The following CNST variants were observed in gnomAD, a reference collection of about 807,000 sequenced individuals.
CNST encodes the protein consortin.
CNST carries 39 observed loss-of-function variants against 72.4 expected under a neutral mutation model. The observed-to-expected ratio is 0.54, with a 90% CI of 0.42 to 0.70. The LOEUF is 0.70. CNST is among the 30% of genes least tolerant of loss of function. CNST has a pLI of 0.00. For missense variants in CNST, 871 were observed against 868.5 expected (o/e 1.00, Z -0.04); for synonymous variants, 332 against 320.1 (o/e 1.04, Z -0.40).
intron 1 of CNST, among the ~76,000 whole-genome samples, chr1:246,571,389 A>G (rs941876403): frequency 7.9e-5 from 12 of 152,212 alleles, no homozygotes; most frequent in African/African-American, 1.2e-4. Flanking sequence ...ACCTCAAGTG[A>G]TCCGCCCACC....
At chr1:246,608,982 C>T (rs1663118056) in intron 2 of CNST, among the ~76,000 whole-genome samples, 1 of 152,120 alleles carries the variant, frequency 6.6e-6, no homozygotes, top group Admixed American at 6.5e-5. Flanking sequence ...AGGTTGCTTA[C>T]TTTAGGTTAA....
intron 2 of CNST, among the ~76,000 whole-genome samples, chr1:246,610,494 C>T (rs1663240626): frequency 6.6e-6 from 1 of 152,102 alleles, no homozygotes; most frequent in Non-Finnish European, 1.5e-5. Flanking sequence ...TTTCTTTCAC[C>T]AGAATGGGCC....
chr1:246,591,765 G>C lies in CNST; in HGVS notation c.203G>C (p.Ser68Thr), dbSNP rs1311713204. ...MGKPQVSEQD[S>T]LNNNESCTLS... ...AAGCCCCAAGTGTCTGAGCAGGACA[G>C]TCTCAATAATAATGAAAGCTGCACA... The change falls in exon 2 of 11, where the codon AGT (serine) becomes ACT (threonine). Residue 68 changes from serine to threonine, a missense_variant. Transcript: ENST00000366513. 5 of 1,614,142 alleles carry C rather than the reference G, an allele frequency of 3.1e-6. No homozygotes were observed. The highest frequency in any genetic ancestry group is 4.2e-6 in the Non-Finnish European group (5 of 1,180,026).
At chr1:246,621,688 T>C in intron 3 of CNST, 54 bp downstream of exon 3, 1 of 1,449,980 alleles carries the variant, frequency 6.9e-7, no homozygotes. Context: ...CTAGCAGTGT[T>C]TGGAATGATC....
At chr1:246,571,466 A>C (rs1381468505) in intron 1 of CNST, among the ~76,000 whole-genome samples, 1 of 152,110 alleles carries the variant, frequency 6.6e-6, no homozygotes, top group Non-Finnish European at 1.5e-5. Flanking sequence ...TTTTTATCTT[A>C]GTTTTGAGAT....
At chr1:246,664,465 G>A (rs933745466) in intron 10 of CNST, among the ~76,000 whole-genome samples, 6 of 150,644 alleles carry the variant, frequency 4.0e-5, no homozygotes, top group Admixed American at 4.0e-4. Flanking sequence ...CTCGCCCTGT[G>A]GCCCAGGCTG....
intron 9 of CNST, among the ~76,000 whole-genome samples, chr1:246,651,287 G>A (rs558531504): frequency 5.9e-5 from 9 of 152,044 alleles, no homozygotes; most frequent in Non-Finnish European, 1.3e-4. Context: ...CTGTGCTATC[G>A]CAGGTGGTCC....
At chr1:246,585,708 CACACTATA>C in intron 1 of CNST, among the ~76,000 whole-genome samples, 1 of 100,846 alleles carries the variant, frequency 9.9e-6, no homozygotes, top group Non-Finnish European at 2.1e-5. Flanking sequence ...CACACACACA[CACACTATA>C]TATGTATACA....
chr1:246,666,079 A>G lies in CNST; in HGVS notation c.*174A>G, dbSNP rs1251723436. The G allele has an allele frequency of 5.1e-6, 3 of 584,368 alleles. No individual in the cohort carries two copies. Among genetic ancestry groups the G allele is most frequent in the Non-Finnish European group, 9.1e-6 (3 of 328,122 alleles). The allele number at this position is 584,368 out of a possible 1,614,324, so 36.2% of individuals were successfully genotyped here. On this transcript the variant is annotated 3_prime_UTR_variant, in exon 11 of 11. Coordinates refer to ENST00000366513, the MANE Select transcript of CNST (RefSeq NM_152609.3). ...GAGGAACTCTGTTAGAATAATCCAC[A>G]CAGTGAGGCAAATATCAATCTAAGC...
chr1:246,621,495 T>C lies in CNST; in HGVS notation c.446T>C (p.Val149Ala), dbSNP rs1664088521. The C allele has an allele frequency of 6.2e-7, 1 of 1,614,208 alleles. No homozygotes were observed. The highest frequency in any genetic ancestry group is 8.5e-7 in the Non-Finnish European group (1 of 1,180,028). The part of the protein sequence containing the change: ...EKVLSAVTYA[V>A]DDEEAAEVNA... ...GTACTAAGCGCAGTCACATATGCTG[T>C]TGATGATGAAGAAGCTGCTGAAGTA... The change falls in exon 3 of 11, where the codon GTT (valine) becomes GCT (alanine). Residue 149 changes from valine to alanine, a missense_variant. Val to Ala is a moderately conservative substitution (Grantham distance 64). Transcript: ENST00000366513.
chr1:246,636,409 G>A (rs528518735), intron 6 of CNST, among the ~76,000 whole-genome samples: 2,202 of 152,140 alleles, frequency 0.014, 28 homozygotes, highest in Non-Finnish European at 0.02. Context: ...CCCATGCCAC[G>A]GCCACTGTTC....
rs147921088 is a variant in CNST at position 246,604,743 on chromosome 1, A to C, written c.379+12802A>C. On this transcript the variant is annotated intron_variant, in intron 2 of 10. Coordinates refer to ENST00000366513, the MANE Select transcript of CNST (RefSeq NM_152609.3). ...GAGTGCAATGGCGTGATCTCCGCCC[A>C]CTGCAACCTCTGCCTTCTGGGTTCA... 9.7e-3 allele frequency among the ~76,000 whole-genome samples: 1,473 copies of C among 151,604 alleles called. 19 individuals carry two copies. Among genetic ancestry groups the C allele is most frequent in the African/African-American group, 0.034 (1,381 of 40,904 alleles).
intron 9 of CNST, among the ~76,000 whole-genome samples, chr1:246,659,333 A>G (rs150057547): frequency 0.052 from 7,932 of 152,210 alleles, 660 homozygotes; most frequent in African/African-American, 0.17. Context: ...GGTGGCTCAC[A>G]CCTGTAATCC....
intron 3 of CNST, among the ~76,000 whole-genome samples, chr1:246,625,951 A>G (rs567249042): frequency 2.1e-4 from 32 of 151,808 alleles, no homozygotes; most frequent in African/African-American, 7.7e-4. Flanking sequence ...TTGATCACAT[A>G]CTCTGTTTTG....
At chr1:246,654,171 A>T (rs549347431) in intron 9 of CNST, among the ~76,000 whole-genome samples, 34 of 152,254 alleles carry the variant, frequency 2.2e-4, no homozygotes, top group African/African-American at 7.9e-4. Context: ...CCCCAACGTC[A>T]TCTTCTGTCC....
intron 2 of CNST, among the ~76,000 whole-genome samples, chr1:246,614,432 A>G (rs1572179804): frequency 6.6e-6 from 1 of 152,036 alleles, no homozygotes; most frequent in Non-Finnish European, 1.5e-5. Context: ...ATCATCGTAT[A>G]TATAATAATT....
At chr1:246,615,761 C>T (rs1365105032) in intron 2 of CNST, among the ~76,000 whole-genome samples, 2 of 151,260 alleles carry the variant, frequency 1.3e-5, no homozygotes, top group Non-Finnish European at 2.9e-5. Flanking sequence ...ACCTGTAATC[C>T]CAGCTACTCG....
chr1:246,625,477 A>G (rs938904178), intron 3 of CNST, among the ~76,000 whole-genome samples: 2 of 120,922 alleles, frequency 1.7e-5, no homozygotes, highest in African/African-American at 6.6e-5. Flanking sequence ...GCTGGAGTGC[A>G]GTGGCGTGAT....
At chr1:246,640,058 A>T (rs1665584670) in intron 6 of CNST, among the ~76,000 whole-genome samples, 1 of 152,174 alleles carries the variant, frequency 6.6e-6, no homozygotes, top group African/African-American at 2.4e-5. Flanking sequence ...GGGAGGAGTT[A>T]TTCATCCCCC....
Sources: gnomAD v4.1 joint callset for allele counts (sites outside exome capture counted in the v4.1 genomes callset) on GRCh38, gnomAD v4.1.1 for gene constraint, MANE v1.5 for transcripts, NCBI Gene and HGNC (gene_info 2026-07-23, HGNC 2026-07-21) for gene names.